SPAST: variants seen among roughly 807,000 people sequenced by gnomAD.
The protein encoded by SPAST is spastin.
A neutral mutation model predicts 76.6 loss-of-function variants in SPAST; 30 were observed. The observed-to-expected ratio is 0.39, with a 90% CI of 0.29 to 0.53. SPAST has a LOEUF of 0.53. SPAST is among the 20% of genes least tolerant of loss of function. The pLI, the probability that SPAST is intolerant of heterozygous loss-of-function variation, is 0.68. For synonymous variants in SPAST, 305 were observed against 281.0 expected (o/e 1.09, Z -0.86); for missense variants, 717 against 770.5 (o/e 0.93, Z 0.82).
At chr2:32,119,777 T>C (rs1176887802) in intron 7 of SPAST, among the ~76,000 whole-genome samples, 4 of 152,204 alleles carry the variant, frequency 2.6e-5, no homozygotes, top group Non-Finnish European at 5.9e-5. Context: ...TTTTAAAGTA[T>C]ATCACAGTGA....
At chr2:32,119,339 T>C (rs968691886) in intron 7 of SPAST, among the ~76,000 whole-genome samples, 1 of 152,174 alleles carries the variant, frequency 6.6e-6, no homozygotes, top group Admixed American at 6.5e-5. Flanking sequence ...TATTCCTAAT[T>C]CCCTGTAGTA....
chr2:32,103,972 G>A (rs1486144959), intron 4 of SPAST, among the ~76,000 whole-genome samples: 1 of 152,190 alleles, frequency 6.6e-6, no homozygotes, highest in African/African-American at 2.4e-5. Context: ...TTCTGTAGAT[G>A]TCTATTAGGT....
intron 1 of SPAST, among the ~76,000 whole-genome samples, chr2:32,071,707 T>C (rs1573041119): frequency 6.6e-6 from 1 of 152,200 alleles, no homozygotes; most frequent in African/African-American, 2.4e-5. Context: ...GATTTTCTGA[T>C]TGGCAATTGG....
intron 12 of SPAST, among the ~76,000 whole-genome samples, chr2:32,139,837 T>TAAAAAAAAA (rs1358523004): frequency 1.1e-5 from 1 of 93,022 alleles, no homozygotes; most frequent in Non-Finnish European, 2.3e-5. Flanking sequence ...TTTCCAAAAT[T>TAAAAAAAAA]AAAAAAAAAA....
intron 9 of SPAST, among the ~76,000 whole-genome samples, chr2:32,135,118 T>TTGTGTGTGTGTG (rs57308975): frequency 6.8e-5 from 10 of 147,392 alleles, no homozygotes; most frequent in South Asian, 2.2e-4. Flanking sequence ...TCTGATAATT[T>TTGTGTGTGTGTG]TGTGTGTGTG....
intron 2 of SPAST, among the ~76,000 whole-genome samples, chr2:32,089,155 G>T (rs1677609718): frequency 6.6e-6 from 1 of 150,428 alleles, no homozygotes; most frequent in Non-Finnish European, 1.5e-5. Flanking sequence ...TCCACTTCCT[G>T]GGGCTGAAGT....
chr2:32,066,065 C>T (rs780909751), intron 1 of SPAST: 1 of 151,608 alleles, frequency 6.6e-6, no homozygotes, highest in Non-Finnish European at 1.5e-5. Flanking sequence ...CCTCTGCCTC[C>T]CAGACGCAGG....
intron 12 of SPAST, 96 bp from the exon 13 acceptor site, chr2:32,141,808 C>T: frequency 1.0e-6 from 1 of 964,106 alleles, no homozygotes; most frequent in South Asian, 1.5e-5. Flanking sequence ...ATTCCAGTGC[C>T]TTGAATATTA....
intron 7 of SPAST, among the ~76,000 whole-genome samples, chr2:32,117,425 G>A (rs779311112): frequency 2.2e-4 from 33 of 151,372 alleles, no homozygotes; most frequent in Non-Finnish European, 4.7e-4. Flanking sequence ...AAATACCAAC[G>A]TGACAGTGAT....
intron 1 of SPAST, among the ~76,000 whole-genome samples, chr2:32,071,238 G>C (rs1347102233): frequency 1.6e-4 from 25 of 152,166 alleles, no homozygotes; most frequent in Admixed American, 1.6e-3. Flanking sequence ...TTATATGAAT[G>C]AGAGATCAAG....
In SPAST at chr2:32,154,513, A is replaced by C; in HGVS notation, c.*17A>C. ...ACTGTTTAAGGAAATACCTTTGTAA[A>C]CCTGCAGAACATTTTACTTAAAAGA... On this transcript the variant is annotated 3_prime_UTR_variant, in exon 17 of 17. Coordinates refer to ENST00000315285, the MANE Select transcript of SPAST (RefSeq NM_014946.4). 1.2e-6 allele frequency: 2 copies of C among 1,612,974 alleles called. No individual in the cohort carries two copies. Among genetic ancestry groups the C allele is most frequent in the Non-Finnish European group, 1.7e-6 (2 of 1,179,048 alleles).
rs1314415557 is a variant in SPAST, at chr2:32,115,816, A to T, written c.985A>T (p.Met329Leu). Residue 329 changes from methionine (M) to leucine (L), a missense_variant, in exon 6 of 17, where the codon ATG becomes TTG. Transcript: ENST00000315285. Reference sequence around the variant, plus strand: ...GGACAGCAACCTTGCTAACCTTATAATGAATGAAATTGTGGACAAGTAAGT... The same window carrying T: ...GGACAGCAACCTTGCTAACCTTATATTGAATGAAATTGTGGACAAGTAAGT... ...NVDSNLANLI[M>L]NEIVDNGTAV... 6.2e-7 allele frequency: 1 copy of T among 1,609,638 alleles called. No homozygotes were observed. Among genetic ancestry groups the T allele is most frequent in the East Asian group, 2.2e-5 (1 of 44,662 alleles).
chr2:32,083,750 C>CTATATATATATATATATATA (rs869090344), intron 1 of SPAST, among the ~76,000 whole-genome samples: 1 of 62,868 alleles, frequency 1.6e-5, no homozygotes, highest in Non-Finnish European at 2.8e-5. Flanking sequence ...TTTATATATA[C>CTATATATATATATATATATA]TATATATATA....
At chr2:32,102,936 T>G (rs763839545) in intron 4 of SPAST, among the ~76,000 whole-genome samples, 3 of 152,174 alleles carry the variant, frequency 2.0e-5, no homozygotes, top group Non-Finnish European at 2.9e-5. Flanking sequence ...ATTCTCTTTG[T>G]TGTGTCTCTG....
chr2:32,071,447 A>G (rs1676747127), intron 1 of SPAST, among the ~76,000 whole-genome samples: 1 of 152,220 alleles, frequency 6.6e-6, no homozygotes, highest in Admixed American at 6.5e-5. Flanking sequence ...TTCGTCAATG[A>G]AAAGAGTCAA....
At chr2:32,122,784 A>T (rs1245930653) in intron 7 of SPAST, among the ~76,000 whole-genome samples, 1 of 152,122 alleles carries the variant, frequency 6.6e-6, no homozygotes, top group Non-Finnish European at 1.5e-5. Context: ...TATTTAAAAA[A>T]AAAAAATAGA....
chr2:32,097,726 C>G (rs1254246398), intron 3 of SPAST, among the ~76,000 whole-genome samples: 2 of 144,762 alleles, frequency 1.4e-5, no homozygotes, highest in Admixed American at 7.1e-5. Context: ...CAGAGTCTCG[C>G]TCTGTCACCC....
rs2148762771 is a variant in SPAST, at chr2:32,147,220, CT to C, written c.1691del (p.Leu564GlnfsTer6). 1 of 1,607,724 alleles carries C rather than the reference CT, an allele frequency of 6.2e-7. No individual in the cohort carries two copies. The highest frequency in any genetic ancestry group is 8.5e-7 in the Non-Finnish European group (1 of 1,174,730). ...TGCCTGACTTTTATGTTTTACAGAACTAAAACCAGAACAGGTGAAGAATATG... is the reference window on the plus strand; with the variant it reads ...TGCCTGACTTTTATGTTTTACAGAACAAAACCAGAACAGGTGAAGAATATG... ...KDAALGPIRE[L>X]KPEQVKNMSA... On this transcript the variant is annotated frameshift_variant, in exon 16 of 17. Transcript: ENST00000315285. LOFTEE classifies it high-confidence loss of function.
At chr2:32,082,674 C>A (rs1281609272) in intron 1 of SPAST, among the ~76,000 whole-genome samples, 2 of 150,886 alleles carry the variant, frequency 1.3e-5, no homozygotes, top group Non-Finnish European at 2.9e-5. Flanking sequence ...CCAGCCTGGG[C>A]AACAAGAGCG....
Sources: allele counts gnomAD v4.1 joint callset (sites outside exome capture counted in the v4.1 genomes callset), GRCh38; gene constraint gnomAD v4.1.1; transcripts MANE v1.5; gene names NCBI Gene and HGNC (gene_info 2026-07-23, HGNC 2026-07-21).